MIPEP: variants seen among roughly 807,000 people sequenced by gnomAD.
MIPEP encodes the protein mitochondrial intermediate peptidase.
Under a neutral mutation model 90.3 loss-of-function variants are expected in MIPEP, and 79 were observed. The ratio of observed to expected loss-of-function variants is 0.87; its 90% CI spans 0.73 to 1.05. The LOEUF is 1.05. Ranked by LOEUF, MIPEP falls within the 50% of genes least tolerant of loss-of-function variation. The pLI is 0.00. For missense variants in MIPEP, 940 were observed against 905.6 expected (o/e 1.04, Z -0.49); for synonymous variants, 334 against 315.8 (o/e 1.06, Z -0.61).
At chr13:23,776,666 C>T (rs935600190) in intron 16 of MIPEP, among the ~76,000 whole-genome samples, 5 of 151,972 alleles carry the variant, frequency 3.3e-5, no homozygotes, top group African/African-American at 1.2e-4. Flanking sequence ...TCTAAAACAT[C>T]TCTATCGGAA....
intron 1 of MIPEP, chr13:23,888,138 T>C (rs1331353585): frequency 2.3e-6 from 1 of 439,142 alleles, no homozygotes; most frequent in African/African-American, 2.0e-5. Context: ...AAATTAGTTA[T>C]ATCTCATCCA....
chr13:23,775,969 T>A (rs1264849371), intron 16 of MIPEP, among the ~76,000 whole-genome samples: 1 of 152,218 alleles, frequency 6.6e-6, no homozygotes, highest in Non-Finnish European at 1.5e-5. Flanking sequence ...ATGATGTAGA[T>A]CATTCCAGCA....
chr13:23,839,656 G>C lies in MIPEP; in HGVS notation c.1331C>G (p.Pro444Arg). Residue 444 changes from proline to arginine, a missense_variant, in exon 12 of 19, where the codon CCA becomes CGA. Coordinates refer to ENST00000382172, the MANE Select transcript of MIPEP (RefSeq NM_005932.4). ...YCDFFQRADK[P>R]HQDCHFTIRG... ...TTATAAAGAAAGGATCACCTGATGT[G>C]GTTTGTCTGCTCGCTGAAAAAAATC... 1.9e-6 allele frequency: 3 copies of C among 1,611,686 alleles called. No individual in the cohort carries two copies. The highest frequency in any genetic ancestry group is 2.5e-6 in the Non-Finnish European group (3 of 1,178,496).
chr13:23,740,784 C>T (rs139053805), intron 18 of MIPEP, among the ~76,000 whole-genome samples: 3 of 152,350 alleles, frequency 2.0e-5, no homozygotes, highest in East Asian at 1.9e-4. Flanking sequence ...TGCCACCAAG[C>T]CCTGTCAGGT....
At chr13:23,799,773 A>C (rs1953012413) in intron 16 of MIPEP, among the ~76,000 whole-genome samples, 1 of 152,240 alleles carries the variant, frequency 6.6e-6, no homozygotes, top group South Asian at 2.1e-4. Flanking sequence ...GTTTGTTCTA[A>C]CGAGAAGGAC....
intron 14 of MIPEP, among the ~76,000 whole-genome samples, chr13:23,823,490 G>T (rs766143464): frequency 2.0e-5 from 3 of 152,150 alleles, no homozygotes; most frequent in African/African-American, 4.8e-5. Context: ...CCTACGTTAT[G>T]ACTGCCATCT....
intron 18 of MIPEP, among the ~76,000 whole-genome samples, chr13:23,754,418 T>C (rs941010719): frequency 6.6e-6 from 1 of 152,224 alleles, no homozygotes; most frequent in African/African-American, 2.4e-5. Context: ...AATGTAAAAG[T>C]AGAATTGTTC....
chr13:23,806,953 T>C (rs532641159), intron 15 of MIPEP, among the ~76,000 whole-genome samples: 1 of 152,246 alleles, frequency 6.6e-6, no homozygotes, highest in Non-Finnish European at 1.5e-5. Flanking sequence ...GAAATAGCAA[T>C]GCAGCATCTC....
intron 18 of MIPEP, among the ~76,000 whole-genome samples, chr13:23,745,625 A>C (rs1335094840): frequency 6.6e-6 from 1 of 152,076 alleles, no homozygotes; most frequent in African/African-American, 2.4e-5. Flanking sequence ...GTCACGCAGG[A>C]AAGTTAAGAA....
intron 10 of MIPEP, among the ~76,000 whole-genome samples, chr13:23,845,860 A>G (rs9318074): frequency 0.1 from 15,519 of 149,076 alleles, 2,617 homozygotes; most frequent in African/African-American, 0.35. Flanking sequence ...TAATAATTTG[A>G]TATATTAGTG....
At chr13:23,806,147 G>C in intron 15 of MIPEP, 78 bp from the exon 16 acceptor site, 1 of 1,451,916 alleles carries the variant, frequency 6.9e-7, no homozygotes, top group East Asian at 2.3e-5. Flanking sequence ...GATGCTATAA[G>C]TGCACCAGAA....
chr13:23,860,655 C>T (rs138333114), intron 9 of MIPEP, among the ~76,000 whole-genome samples: 2 of 105,966 alleles, frequency 1.9e-5, no homozygotes, highest in African/African-American at 3.8e-5. Context: ...TAGACAAATC[C>T]CTCTGGTGGC....
intron 16 of MIPEP, among the ~76,000 whole-genome samples, chr13:23,795,010 A>G (rs1952941015): frequency 6.6e-6 from 1 of 152,224 alleles, no homozygotes; most frequent in Non-Finnish European, 1.5e-5. Context: ...GTTTCTAGAT[A>G]TGCACCATAT....
At chr13:23,848,463 G>A (rs1258488271) in intron 10 of MIPEP, among the ~76,000 whole-genome samples, 2 of 152,196 alleles carry the variant, frequency 1.3e-5, no homozygotes, top group Non-Finnish European at 2.9e-5. Context: ...ACTCCTCAGT[G>A]TGGAAAGATG....
intron 10 of MIPEP, among the ~76,000 whole-genome samples, chr13:23,857,995 C>G (rs1291718439): frequency 2.0e-5 from 3 of 151,518 alleles, no homozygotes; most frequent in Admixed American, 2.0e-4. Context: ...GAAAAAAAAA[C>G]AAAAAACTTA....
At chr13:23,888,667 A>T in intron 1 of MIPEP, 1 of 971,362 alleles carries the variant, frequency 1.0e-6, no homozygotes, top group Non-Finnish European at 1.2e-6. Flanking sequence ...TTCAGGTATT[A>T]ATGAAATTAC....
intron 14 of MIPEP, among the ~76,000 whole-genome samples, chr13:23,834,496 AT>A (rs1235428072): frequency 1.3e-5 from 2 of 152,300 alleles, no homozygotes; most frequent in African/African-American, 4.8e-5. Flanking sequence ...GGGCAATGGG[AT>A]GTTGCCTGAC....
intron 14 of MIPEP, among the ~76,000 whole-genome samples, chr13:23,825,866 T>C (rs987692481): frequency 6.6e-6 from 1 of 152,074 alleles, no homozygotes; most frequent in Admixed American, 6.5e-5. Flanking sequence ...AAGGACTAAA[T>C]AAGAAAAAAT....
intron 11 of MIPEP, 117 bp downstream of exon 11, chr13:23,841,218 A>T: frequency 1.2e-6 from 1 of 805,244 alleles, no homozygotes; most frequent in Non-Finnish European, 1.9e-6. Context: ...AGCAGAAATA[A>T]GGCAGGGGAC....
Sources: allele counts gnomAD v4.1 joint callset (sites outside exome capture counted in the v4.1 genomes callset), GRCh38; gene constraint gnomAD v4.1.1; transcripts MANE v1.5; gene names NCBI Gene and HGNC (gene_info 2026-07-23, HGNC 2026-07-21).